Variants in ADGRV1 observed in about 807,000 individuals in gnomAD.
ADGRV1 encodes G-protein coupled receptor 98.
ADGRV1 carries 359 observed loss-of-function variants against 596.2 expected under a neutral mutation model. That is an observed-to-expected ratio of 0.60 (90% CI 0.55 to 0.66). ADGRV1 has a LOEUF of 0.66. Among genes scored for constraint, ADGRV1 ranks in the 30% least tolerant of loss-of-function variants. ADGRV1 has a pLI of 0.00. For missense variants in ADGRV1, 7,274 were observed against 7,575.6 expected (o/e 0.96, Z 1.48); for synonymous variants, 2,681 against 2,679.2 (o/e 1.00, Z -0.02).
At chr5:90,727,338 G>T (rs919318464) in intron 48 of ADGRV1, among the ~76,000 whole-genome samples, 1 of 152,010 alleles carries the variant, frequency 6.6e-6, no homozygotes, top group Non-Finnish European at 1.5e-5. Flanking sequence ...TTCACATCGA[G>T]TTTATCATTA....
chr5:90,570,777 T>A (rs571907106), intron 1 of ADGRV1, among the ~76,000 whole-genome samples: 4 of 151,400 alleles, frequency 2.6e-5, no homozygotes, highest in South Asian at 2.1e-4. Context: ...TTTTTTTTTT[T>A]AAACTATCTT....
At chr5:90,941,196 C>T (rs910798630) in intron 83 of ADGRV1, among the ~76,000 whole-genome samples, 7 of 150,646 alleles carry the variant, frequency 4.6e-5, no homozygotes, top group African/African-American at 1.2e-4. Flanking sequence ...TCCTTCAAAA[C>T]GATATCTAGT....
At chr5:90,864,876 T>C (rs959507644) in intron 83 of ADGRV1, among the ~76,000 whole-genome samples, 5 of 152,174 alleles carry the variant, frequency 3.3e-5, no homozygotes, top group African/African-American at 1.2e-4. Context: ...TGGTCATATG[T>C]GTGTATTGAA....
At chr5:91,059,015 C>T (rs1258892060) in intron 85 of ADGRV1, among the ~76,000 whole-genome samples, 1 of 152,186 alleles carries the variant, frequency 6.6e-6, no homozygotes, top group Non-Finnish European at 1.5e-5. Flanking sequence ...GATGAATGTT[C>T]ACACTTTCCT....
intron 71 of ADGRV1, among the ~76,000 whole-genome samples, chr5:90,803,165 C>T (rs1761560179): frequency 6.6e-6 from 1 of 151,896 alleles, no homozygotes; most frequent in South Asian, 2.1e-4. Context: ...TAATGAAGCA[C>T]TAATATTCCA....
Position 90,692,746 on chromosome 5 carries a change from C to T in ADGRV1, c.7093C>T (p.Leu2365=). The T allele has an allele frequency of 6.2e-7, 1 of 1,606,394 alleles. No homozygotes were observed. Among genetic ancestry groups the T allele is most frequent in the South Asian group, 1.1e-5 (1 of 89,316 alleles). ...AQMVYRVQEP[L]ERSSCANITV... is the part of the protein sequence containing the mutation. ...GATGGTTTATCGTGTTCAAGAGCCT[C>T]TGGAAAGAAGTTCCTGTGCTAATAT... is the stretch of plus-strand genomic sequence containing the variant. The change falls in exon 32 of 90, where the codon CTG becomes TTG. Residue 2365 remains leucine (L), a synonymous_variant. Transcript: ENST00000405460.
intron 87 of ADGRV1, among the ~76,000 whole-genome samples, chr5:91,124,175 G>A (rs1013812175): frequency 2.0e-5 from 3 of 152,014 alleles, no homozygotes; most frequent in Admixed American, 6.6e-5. Context: ...ATTTTTTTGT[G>A]TGTATTAATT....
chr5:90,947,245 G>A (rs1776655682), intron 83 of ADGRV1, among the ~76,000 whole-genome samples: 1 of 152,018 alleles, frequency 6.6e-6, no homozygotes, highest in Non-Finnish European at 1.5e-5. Flanking sequence ...CAGTGATATC[G>A]AGCTTTTTCT....
chr5:90,685,742 T>A (rs928380950), intron 28 of ADGRV1, 38 bp from the exon 29 acceptor site: 2 of 1,504,646 alleles, frequency 1.3e-6, no homozygotes, highest in African/African-American at 2.7e-5. Flanking sequence ...AGAATTTTGA[T>A]AGCTTTCTGT....
intron 1 of ADGRV1, among the ~76,000 whole-genome samples, chr5:90,613,168 G>A (rs1216188315): frequency 3.3e-5 from 5 of 152,020 alleles, no homozygotes; most frequent in South Asian, 2.1e-4. Flanking sequence ...GTTCTGTCAC[G>A]TCTCCTGTTC....
At chr5:90,620,755 A>G (rs1226217471) in intron 4 of ADGRV1, among the ~76,000 whole-genome samples, 3 of 152,178 alleles carry the variant, frequency 2.0e-5, no homozygotes, top group African/African-American at 4.8e-5. Context: ...TCTTTAATCT[A>G]TCTTGAATTA....
intron 34 of ADGRV1, 40 bp from the exon 35 acceptor site, chr5:90,703,625 T>C: frequency 6.8e-7 from 1 of 1,470,094 alleles, no homozygotes; most frequent in Non-Finnish European, 9.3e-7. Context: ...GAAGTTTATT[T>C]TCCATTAAGT....
intron 87 of ADGRV1, among the ~76,000 whole-genome samples, chr5:91,130,739 A>G (rs1794144011): frequency 6.6e-6 from 1 of 152,196 alleles, no homozygotes; most frequent in Non-Finnish European, 1.5e-5. Context: ...CAAGTAGTGA[A>G]CATAGTGCCC....
At chr5:90,565,812 A>G (rs1295843090) in intron 1 of ADGRV1, among the ~76,000 whole-genome samples, 2 of 152,184 alleles carry the variant, frequency 1.3e-5, no homozygotes, top group Non-Finnish European at 2.9e-5. Context: ...CCAGCAATGT[A>G]TGAGAGTTTT....
At position 90,774,299 on chromosome 5, in the gene ADGRV1, A is replaced by C. The variant is rs1296300531; in HGVS notation, c.12399A>C (p.Val4133=). The C allele has an allele frequency of 1.3e-6, 2 of 1,500,638 alleles. No individual in the cohort carries two copies. Among genetic ancestry groups the C allele is most frequent in the East Asian group, 4.5e-5 (2 of 44,282 alleles). 93.0% of individuals were successfully genotyped at this position (1,500,638 alleles called of 1,614,324 possible). A position where few individuals can be genotyped will look rare whatever the true frequency, so the allele number is the denominator to read the frequency against. ...TTGATGAGGTAGAAATATCTCCAGT[A>C]AAAGGTAAGAGAAATTCACATTTTT... ...ISIDEVEISP[V]KGSASIIIRG... Residue 4133 remains valine (V), a synonymous_variant, in exon 60 of 90, where the codon GTA becomes GTC. Coordinates refer to ENST00000405460, the MANE Select transcript of ADGRV1 (RefSeq NM_032119.4).
chr5:91,003,068 C>T (rs1391111770), intron 85 of ADGRV1, among the ~76,000 whole-genome samples: 3 of 152,184 alleles, frequency 2.0e-5, no homozygotes, highest in African/African-American at 7.2e-5. Flanking sequence ...GTACCACACT[C>T]TAACACAGTC....
At chr5:91,109,024 C>A (rs544814857) in intron 87 of ADGRV1, among the ~76,000 whole-genome samples, 2 of 152,286 alleles carry the variant, frequency 1.3e-5, no homozygotes, top group South Asian at 2.1e-4. Context: ...ACCAAACTTA[C>A]AATACATTTG....
In ADGRV1 at chr5:90,635,251, A is replaced by G. The variant is rs1766025267; in HGVS notation, c.1977A>G (p.Pro659=). 6.2e-6 allele frequency: 10 copies of G among 1,612,940 alleles called. No homozygotes were observed. Among genetic ancestry groups the G allele is most frequent in the Non-Finnish European group, 8.5e-6 (10 of 1,179,598 alleles). Residue 659 remains proline, a synonymous_variant, in exon 10 of 90, where the codon CCA becomes CCG. Coordinates refer to ENST00000405460, the MANE Select transcript of ADGRV1 (RefSeq NM_032119.4). The part of the protein sequence containing the change: ...NGEIGFLSNL[P]IILHEPEDFA... ...AAATTGGCTTTCTCAGCAATCTTCC[A>G]ATTATTTTGCATGAACCAGAAGATT...
chr5:90,665,545 C>T (rs375696109), intron 21 of ADGRV1, among the ~76,000 whole-genome samples: 8,987 of 150,646 alleles, frequency 0.06, 381 homozygotes, highest in Non-Finnish European at 0.086. Flanking sequence ...TTTATTTTGT[C>T]GATCCTTTCA....
Sources: allele counts gnomAD v4.1 joint callset (sites outside exome capture counted in the v4.1 genomes callset), GRCh38; gene constraint gnomAD v4.1.1; transcripts MANE v1.5; gene names NCBI Gene and HGNC (gene_info 2026-07-23, HGNC 2026-07-21).